Variants in NRAP observed in about 807,000 individuals in gnomAD.
NRAP encodes the protein nebulin-related-anchoring protein.
NRAP carries 189 observed loss-of-function variants against 225.9 expected under a neutral mutation model. That is an observed-to-expected ratio of 0.84 (90% CI 0.74 to 0.94). NRAP has a LOEUF of 0.94. NRAP is among the 40% of genes least tolerant of loss of function. The pLI is 0.00. For missense variants in NRAP, 2,176 were observed against 2,168.7 expected (o/e 1.00, Z -0.07); for synonymous variants, 769 against 790.7 (o/e 0.97, Z 0.46).
At position 113,598,017 on chromosome 10, in the gene NRAP, T is replaced by A; in HGVS notation, c.4284A>T (p.Arg1428Ser). Reference protein sequence around the residue: ...GMKGIGWLALRSPQMESAKKA... With the variant: ...GMKGIGWLALSSPQMESAKKA... ...TCTTTGCACTCTCCATCTGTGGGGATCTCAGCGCCAGCCATCCTATGCCCT... is the reference window on the plus strand; with the variant it reads ...TCTTTGCACTCTCCATCTGTGGGGAACTCAGCGCCAGCCATCCTATGCCCT... Residue 1428 changes from arginine (R) to serine (S), a missense_variant, in exon 36 of 42, where the codon AGA (arginine) becomes AGT (serine). Arg to Ser is a moderately radical substitution (Grantham distance 110, BLOSUM62 -1). Transcript: ENST00000359988. 6.2e-7 allele frequency: 1 copy of A among 1,613,864 alleles called. No individual in the cohort carries two copies. The highest frequency in any genetic ancestry group is 8.5e-7 in the Non-Finnish European group (1 of 1,179,966).
intron 26 of NRAP, 134 bp from the exon 27 acceptor site, chr10:113,615,950 C>T (rs773962309): frequency 2.6e-4 from 168 of 655,256 alleles, no homozygotes; most frequent in Non-Finnish European, 4.2e-4. Flanking sequence ...CACCCTGCCT[C>T]CACCCAGATT....
chr10:113,654,565 C>A (rs1018840096), intron 4 of NRAP, among the ~76,000 whole-genome samples: 3 of 149,090 alleles, frequency 2.0e-5, no homozygotes, highest in African/African-American at 7.4e-5. Flanking sequence ...TCATGACCTA[C>A]CACCTTGGGA....
chr10:113,597,978 G>C lies in NRAP; in HGVS notation c.4323C>G (p.Leu1441=). 1 of 1,610,198 alleles carries C rather than the reference G, an allele frequency of 6.2e-7. No individual in the cohort carries two copies. The highest frequency in any genetic ancestry group is 8.5e-7 in the Non-Finnish European group (1 of 1,176,568). Reference sequence around the variant, plus strand: ...GACAGGTTGATGGTACCTCGCTGATGAGTTCTCCAGCCTTCTTTGCACTCT... The same window carrying C: ...GACAGGTTGATGGTACCTCGCTGATCAGTTCTCCAGCCTTCTTTGCACTCT... ...QMESAKKAGE[L]ISETKYRKKP... The change falls in exon 36 of 42, where the codon CTC becomes CTG. Residue 1441 remains leucine (L), a synonymous_variant. Coordinates refer to ENST00000359988, the MANE Select transcript of NRAP (RefSeq NM_198060.4).
chr10:113,631,471 A>C, intron 18 of NRAP, 38 bp downstream of exon 18: 1 of 1,309,506 alleles, frequency 7.6e-7, no homozygotes, highest in Non-Finnish European at 1.1e-6. Context: ...AAATAACACA[A>C]CTGTAAGTGA....
intron 5 of NRAP, among the ~76,000 whole-genome samples, chr10:113,653,310 C>G (rs945571436): frequency 6.6e-6 from 1 of 152,158 alleles, no homozygotes; most frequent in Non-Finnish European, 1.5e-5. Context: ...CCCTTTGGCT[C>G]TAAGGCCTGT....
At chr10:113,592,428 T>C (rs559324793) in intron 38 of NRAP, 127 bp from the exon 39 acceptor site, 68 of 542,864 alleles carry the variant, frequency 1.3e-4, no homozygotes, top group African/African-American at 1.0e-3. Context: ...TATAGCTCCA[T>C]GTCCACCTTG....
Position 113,628,899 on chromosome 10 carries a change from G to A in NRAP, c.2145+18C>T. On this transcript the variant is annotated intron_variant, in intron 20 of 41. Coordinates refer to ENST00000359988, the MANE Select transcript of NRAP (RefSeq NM_198060.4). ...GGGCTGAGGACTACTGGAGGCCAGA[G>A]GCCCCAGTGCAGGTTACCTCGCTGA... The A allele has an allele frequency of 6.8e-7, 1 of 1,469,740 alleles. No homozygotes were observed. The highest frequency in any genetic ancestry group is 2.3e-5 in the East Asian group (1 of 43,322). The allele number at this position is 1,469,740 out of a possible 1,614,324, so 91.0% of individuals were successfully genotyped here. A position where few individuals can be genotyped will look rare whatever the true frequency, so the allele number is the denominator to read the frequency against.
Position 113,640,249 on chromosome 10 carries a change from A to C in NRAP, c.1406T>G (p.Met469Arg). ...TACATCTTTCAAGGGCACCAGTTTC[A>C]TAGCTGTTTGATAGGAAGGCGTGAG... ...ATLTPSYQTA[M>R]KLVPLKDANY... The change falls in exon 14 of 42, where the codon ATG (methionine) becomes AGG (arginine). Residue 469 changes from methionine (M) to arginine (R), a missense_variant. By Grantham distance (91) the Met-to-Arg change is moderately conservative. Around this residue, in one of 3 missense-constraint regions of NRAP, gnomAD observed 1,708 missense variants for 1,695.5 expected, o/e 1.01. Coordinates refer to ENST00000359988, the MANE Select transcript of NRAP (RefSeq NM_198060.4). 6.2e-7 allele frequency: 1 copy of C among 1,603,648 alleles called. No homozygotes were observed.
At chr10:113,605,063 G>T in intron 34 of NRAP, 143 bp from the exon 35 acceptor site, 1 of 783,674 alleles carries the variant, frequency 1.3e-6, no homozygotes, top group Non-Finnish European at 2.0e-6. Context: ...CTTCCTCCCT[G>T]GGGGATGAAC....
chr10:113,662,604 A>G, intron 3 of NRAP, 75 bp downstream of exon 3: 2 of 859,348 alleles, frequency 2.3e-6, no homozygotes, highest in East Asian at 5.0e-5. Flanking sequence ...TATTCCTTTT[A>G]TCTATTTGCA....
At chr10:113,642,621 T>G (rs922706922) in intron 12 of NRAP, among the ~76,000 whole-genome samples, 1 of 152,180 alleles carries the variant, frequency 6.6e-6, no homozygotes, top group South Asian at 2.1e-4. Context: ...GGACGTCACA[T>G]GCTCAGCCAG....
intron 35 of NRAP, among the ~76,000 whole-genome samples, chr10:113,598,784 G>A (rs2133860449): frequency 6.6e-6 from 1 of 152,290 alleles, no homozygotes; most frequent in Middle Eastern, 3.4e-3. Context: ...TCCTCCCACT[G>A]TTACTCATTA....
rs752077729 is a variant in NRAP, at chr10:113,595,725, G to T, written c.4434C>A (p.Arg1478=). The change falls in exon 38 of 42, where the codon CGC becomes CGA. Residue 1478 remains arginine (R), a splice_region_variant and synonymous_variant. Coordinates refer to ENST00000359988, the MANE Select transcript of NRAP (RefSeq NM_198060.4). ...AKNSYMHCNE[R]MYRSGDAESL... ...ATTCTGCATCTCCAGATCTATACAT[G>T]CGCTGTAGATAAGATGGGCTCATGG... is the stretch of plus-strand genomic sequence containing the variant. The T allele has an allele frequency of 2.1e-5, 33 of 1,598,088 alleles. No homozygotes were observed. The highest frequency in any genetic ancestry group is 2.8e-5 in the Non-Finnish European group (33 of 1,165,512).
chr10:113,652,798 C>T (rs975959318), intron 6 of NRAP, 137 bp downstream of exon 6: 13 of 648,170 alleles, frequency 2.0e-5, no homozygotes, highest in Non-Finnish European at 3.0e-5. Flanking sequence ...AGTAAGAACA[C>T]AGTTTTCTCT....
rs191022690 is a variant in NRAP at position 113,605,577 on chromosome 10, T to G, written c.3915+185A>C. Among the ~76,000 whole-genome samples, 303 of 152,372 alleles carry G rather than the reference T, an allele frequency of 2.0e-3. 1 individual carries two copies. Among genetic ancestry groups the G allele is most frequent in the African/African-American group, 6.9e-3 (287 of 41,594 alleles). ...GAGACCTTTGCCTGAATTTAGCTTC[T>G]GATTAATAGAGCCTTTCTTTTCCCC... On this transcript the variant is annotated intron_variant, in intron 34 of 41. Transcript: ENST00000359988.
intron 13 of NRAP, among the ~76,000 whole-genome samples, chr10:113,640,775 A>G (rs775634571): frequency 1.4e-4 from 22 of 152,212 alleles, no homozygotes; most frequent in Non-Finnish European, 2.8e-4. Context: ...GTTTCCTTTA[A>G]GTGTCCTTTA....
intron 39 of NRAP, among the ~76,000 whole-genome samples, chr10:113,591,669 T>A (rs1564691124): frequency 1.3e-5 from 2 of 152,370 alleles, no homozygotes; most frequent in East Asian, 3.9e-4. Flanking sequence ...GCTATGTTCC[T>A]GACACCATAT....
chr10:113,597,122 C>T lies in NRAP; in HGVS notation c.4395G>A (p.Leu1465=), dbSNP rs147728410. Residue 1465 remains leucine, a synonymous_variant, in exon 37 of 42, where the codon CTG becomes CTA. Transcript: ENST00000359988. ...KFTTVVDSPD[L]VHAKNSYMHC... ...GCATATAGCTGTTCTTGGCATGAAC[C>T]AGGTCTGGGGAGTCAACCACTGTGG... is the stretch of plus-strand genomic sequence containing the variant. 3 of 1,613,822 alleles carry T rather than the reference C, an allele frequency of 1.9e-6. No individual in the cohort carries two copies. Among genetic ancestry groups the T allele is most frequent in the Non-Finnish European group, 2.5e-6 (3 of 1,179,722 alleles).
chr10:113,623,325 A>G (rs1191085977), intron 23 of NRAP, among the ~76,000 whole-genome samples: 1 of 152,202 alleles, frequency 6.6e-6, no homozygotes, highest in Admixed American at 6.5e-5. Flanking sequence ...CACTTACTGA[A>G]AATCAGTGTG....
Sources: allele counts gnomAD v4.1 joint callset (sites outside exome capture counted in the v4.1 genomes callset), GRCh38; gene constraint gnomAD v4.1.1; regional missense constraint gnomAD v4.1.1; transcripts MANE v1.5; gene names NCBI Gene and HGNC (gene_info 2026-07-23, HGNC 2026-07-21).